Variants in MAPK10 observed in about 807,000 individuals in gnomAD.
The protein encoded by MAPK10 is mitogen-activated protein kinase 10.
MAPK10 carries 25 observed loss-of-function variants against 59.3 expected under a neutral mutation model. The ratio of observed to expected loss-of-function variants is 0.42; its 90% CI spans 0.31 to 0.59. The LOEUF is 0.59. Ranked by LOEUF, MAPK10 falls within the 20% of genes least tolerant of loss-of-function variation. The probability of loss-of-function intolerance (pLI) is 0.15; values close to 1 mark genes in which losing one functional copy is unlikely to be tolerated. For synonymous variants in MAPK10, 190 were observed against 200.5 expected (o/e 0.95, Z 0.44); for missense variants, 351 against 568.9 (o/e 0.62, Z 3.90).
intron 2 of MAPK10, among the ~76,000 whole-genome samples, chr4:86,203,599 A>C (rs1035327563): frequency 6.6e-6 from 1 of 151,184 alleles, no homozygotes; most frequent in African/African-American, 2.4e-5. Flanking sequence ...CTTATAAGTA[A>C]TTTTTGTATT....
chr4:86,282,602 A>G (rs1457364165), intron 2 of MAPK10, among the ~76,000 whole-genome samples: 1 of 152,236 alleles, frequency 6.6e-6, no homozygotes, highest in African/African-American at 2.4e-5. Flanking sequence ...CATATAATTT[A>G]AAATTTTCCC....
At chr4:86,267,307 C>G (rs188430006) in intron 2 of MAPK10, among the ~76,000 whole-genome samples, 1 of 152,218 alleles carries the variant, frequency 6.6e-6, no homozygotes, top group South Asian at 2.1e-4. Flanking sequence ...TCAAAAGCCA[C>G]GTAAATGTAA....
intron 2 of MAPK10, among the ~76,000 whole-genome samples, chr4:86,311,043 C>T (rs1328143191): frequency 1.3e-5 from 2 of 149,742 alleles, no homozygotes; most frequent in African/African-American, 5.0e-5. Flanking sequence ...GTTACACACA[C>T]ACACACACAC....
chr4:86,572,270 G>C (rs1341047655), intron 1 of MAPK10, among the ~76,000 whole-genome samples: 3 of 151,992 alleles, frequency 2.0e-5, no homozygotes, highest in African/African-American at 7.2e-5. Context: ...GGAAACAATG[G>C]GAATAAGAAA....
chr4:86,287,827 C>G (rs1412544719), intron 2 of MAPK10, among the ~76,000 whole-genome samples: 1 of 152,164 alleles, frequency 6.6e-6, no homozygotes, highest in Non-Finnish European at 1.5e-5. Context: ...TGTTTCTTCA[C>G]TGTTAATATT....
At chr4:86,106,197 T>G (rs900584150) in intron 5 of MAPK10, among the ~76,000 whole-genome samples, 3 of 152,258 alleles carry the variant, frequency 2.0e-5, no homozygotes, top group African/African-American at 7.2e-5. Flanking sequence ...ATTTCAAATA[T>G]CTTTCAACTT....
At chr4:86,034,713 G>T (rs931792151) in intron 11 of MAPK10, among the ~76,000 whole-genome samples, 1 of 152,118 alleles carries the variant, frequency 6.6e-6, no homozygotes, top group Non-Finnish European at 1.5e-5. Flanking sequence ...CCTGTATATG[G>T]TCTAAGGGAA....
chr4:86,411,668 T>C (rs1745189105), intron 1 of MAPK10, among the ~76,000 whole-genome samples: 1 of 152,244 alleles, frequency 6.6e-6, no homozygotes, highest in Admixed American at 6.5e-5. Context: ...CTTCTTTGTC[T>C]CTTTTGATCT....
At chr4:86,323,074 T>C (rs2095937677) in intron 2 of MAPK10, among the ~76,000 whole-genome samples, 1 of 152,184 alleles carries the variant, frequency 6.6e-6, no homozygotes, top group African/African-American at 2.4e-5. Context: ...ACTCTGGGGC[T>C]GAGGCAGGAG....
At chr4:86,224,856 C>T (rs2090333616) in intron 2 of MAPK10, among the ~76,000 whole-genome samples, 1 of 152,202 alleles carries the variant, frequency 6.6e-6, no homozygotes, top group South Asian at 2.1e-4. Context: ...TGAGACTAGC[C>T]TTACTATTCA....
chr4:86,127,773 G>A (rs1263418777), intron 4 of MAPK10: 1 of 151,946 alleles, frequency 6.6e-6, no homozygotes, highest in East Asian at 1.9e-4. Context: ...TAATGACAAG[G>A]TAACTGCATT....
chr4:86,467,288 C>T (rs1410536953), intron 1 of MAPK10, among the ~76,000 whole-genome samples: 1 of 152,088 alleles, frequency 6.6e-6, no homozygotes, highest in Non-Finnish European at 1.5e-5. Flanking sequence ...CAGTTTTCAC[C>T]AAAAACAAGA....
At chr4:86,088,092 G>A (rs1229482475) in intron 9 of MAPK10, among the ~76,000 whole-genome samples, 1 of 152,066 alleles carries the variant, frequency 6.6e-6, no homozygotes, top group African/African-American at 2.4e-5. Context: ...TATTTAACAG[G>A]ACCCATGACA....
chr4:86,098,751 G>A (rs4133139), intron 8 of MAPK10, 156 bp from the exon 9 acceptor site: 229,787 of 631,226 alleles, frequency 0.36, 43,069 homozygotes, highest in African/African-American at 0.44. Flanking sequence ...TCAAACCAGC[G>A]CTATGCTATT....
At chr4:86,061,602 T>C (rs369028636) in intron 11 of MAPK10, among the ~76,000 whole-genome samples, 1 of 152,164 alleles carries the variant, frequency 6.6e-6, no homozygotes, top group African/African-American at 2.4e-5. Context: ...GGAAACATGA[T>C]AAGATAGCTC....
At chr4:86,294,644 C>T (rs953959225) in intron 2 of MAPK10, among the ~76,000 whole-genome samples, 3 of 152,116 alleles carry the variant, frequency 2.0e-5, no homozygotes, top group Non-Finnish European at 4.4e-5. Context: ...ATACTTTCTC[C>T]AAACTGTTGC....
chr4:86,395,862 C>T (rs1023102462), intron 1 of MAPK10, among the ~76,000 whole-genome samples: 1 of 152,146 alleles, frequency 6.6e-6, no homozygotes, highest in African/African-American at 2.4e-5. Flanking sequence ...CATGGGGGCT[C>T]CACCCTTATG....
chr4:86,365,854 A>G (rs1459485801), intron 1 of MAPK10, among the ~76,000 whole-genome samples: 1 of 147,750 alleles, frequency 6.8e-6, no homozygotes, highest in Non-Finnish European at 1.5e-5. Context: ...TATCAATCAT[A>G]AGAGTTTTTG....
At chr4:86,368,839 T>C (rs1738317710) in intron 1 of MAPK10, among the ~76,000 whole-genome samples, 1 of 151,900 alleles carries the variant, frequency 6.6e-6, no homozygotes, top group Non-Finnish European at 1.5e-5. Context: ...GGAAAGTCTA[T>C]TGTAAAATAA....
Sources: gnomAD v4.1 joint callset for allele counts (sites outside exome capture counted in the v4.1 genomes callset) on GRCh38, gnomAD v4.1.1 for gene constraint, MANE v1.5 for transcripts, NCBI Gene and HGNC (gene_info 2026-07-23, HGNC 2026-07-21) for gene names.